GNB1: variants seen among roughly 807,000 people sequenced by gnomAD.
GNB1 encodes the protein G protein subunit beta 1, also known as guanine nucleotide-binding protein G(I)/G(S)/G(T) subunit beta-1.
In GNB1, 2 loss-of-function variants were observed where a neutral mutation model predicts 42.9. The ratio of observed to expected loss-of-function variants is 0.05; its 90% CI spans 0.02 to 0.15. GNB1 has a LOEUF of 0.15. Ranked by LOEUF, GNB1 falls within the 10% of genes least tolerant of loss-of-function variation. The probability of loss-of-function intolerance (pLI) is 1.00; values close to 1 mark genes in which losing one functional copy is unlikely to be tolerated. For missense variants in GNB1, 193 were observed against 462.2 expected, an observed-to-expected ratio of 0.42 and a Z score of 5.34; for synonymous variants, 183 against 174.7, an observed-to-expected ratio of 1.05 and a Z score of -0.38.
Position 1,790,783 on chromosome 1 carries a change from G to A in GNB1, c.498-187C>T, listed in dbSNP as rs1431800501. On this transcript the variant is annotated intron_variant, in intron 8 of 11. Coordinates refer to ENST00000378609, the MANE Select transcript of GNB1 (RefSeq NM_002074.5). The surrounding 1 kb of genome is among the most constrained non-coding windows in gnomAD (Gnocchi z 5.4). ...AACTTTGGAAGGGAAACAAAGCAAA[G>A]CAAGCAAAATTATACAGAGATGAGC... is the stretch of plus-strand genomic sequence containing the variant. Among the ~76,000 whole-genome samples, 1 of 152,168 alleles carries A rather than the reference G, an allele frequency of 6.6e-6. No homozygotes were observed. The highest frequency in any genetic ancestry group is 1.5e-5 in the Non-Finnish European group (1 of 68,030).
intron 8 of GNB1, among the ~76,000 whole-genome samples, chr1:1,791,794 A>G (rs561382212): frequency 6.6e-6 from 1 of 152,346 alleles, no homozygotes; most frequent in South Asian, 2.1e-4. Flanking sequence ...AGATACGTAA[A>G]AGAGTCTGAA....
chr1:1,855,212 T>C (rs1422077195), intron 1 of GNB1, among the ~76,000 whole-genome samples: 3 of 147,640 alleles, frequency 2.0e-5, no homozygotes, highest in Non-Finnish European at 3.0e-5. Flanking sequence ...TCCCAGTTAC[T>C]TGGGAGGCTG....
At chr1:1,818,790 G>A (rs561449339) in intron 3 of GNB1, among the ~76,000 whole-genome samples, 1 of 152,262 alleles carries the variant, frequency 6.6e-6, no homozygotes, top group Admixed American at 6.5e-5. Flanking sequence ...TTGAACCCGG[G>A]AGGCGGAGGT....
chr1:1,837,929 G>A (rs1054694117), intron 2 of GNB1, among the ~76,000 whole-genome samples: 1 of 151,984 alleles, frequency 6.6e-6, no homozygotes, highest in African/African-American at 2.4e-5. Context: ...CTAACCAGGC[G>A]TGGTGGCTCA....
At chr1:1,886,977 T>C (rs1161430048) in intron 1 of GNB1, among the ~76,000 whole-genome samples, 1 of 152,176 alleles carries the variant, frequency 6.6e-6, no homozygotes, top group Non-Finnish European at 1.5e-5. Context: ...CCTCCCAAAG[T>C]GCTGGGATTA....
intron 1 of GNB1, among the ~76,000 whole-genome samples, chr1:1,875,440 G>A (rs573306770): frequency 6.6e-6 from 1 of 152,030 alleles, no homozygotes; most frequent in African/African-American, 2.4e-5. Flanking sequence ...TGATCCACCC[G>A]CTGTGGCCTC....
chr1:1,873,970 G>C (rs577465567), intron 1 of GNB1, among the ~76,000 whole-genome samples: 3 of 152,318 alleles, frequency 2.0e-5, no homozygotes, highest in East Asian at 1.9e-4. Context: ...GCCTCTAGGG[G>C]ACTCAGCACT....
intron 1 of GNB1, among the ~76,000 whole-genome samples, chr1:1,849,066 T>G (rs1647839658): frequency 6.6e-6 from 1 of 152,272 alleles, no homozygotes; most frequent in Non-Finnish European, 1.5e-5. Context: ...CCATTCTGAC[T>G]GGGGTGGGAG....
intron 5 of GNB1, among the ~76,000 whole-genome samples, chr1:1,814,701 C>A (rs543961823): frequency 6.9e-6 from 1 of 145,608 alleles, no homozygotes; most frequent in East Asian, 2.1e-4. Context: ...ACTTGGGAGG[C>A]TGAGTAGGAA....
intron 5 of GNB1, among the ~76,000 whole-genome samples, chr1:1,809,448 G>A (rs1226650748): frequency 1.3e-5 from 2 of 152,154 alleles, no homozygotes; most frequent in African/African-American, 4.8e-5. Flanking sequence ...ACCGCACCCA[G>A]CCTTCAGTTG....
chr1:1,827,544 GTTAA>G (rs1410161868), intron 2 of GNB1, among the ~76,000 whole-genome samples: 1 of 152,158 alleles, frequency 6.6e-6, no homozygotes, highest in Non-Finnish European at 1.5e-5. Context: ...GATAAGACTG[GTTAA>G]TTCTTTCCCT....
intron 1 of GNB1, among the ~76,000 whole-genome samples, chr1:1,848,467 TTCCACCACC>T (rs1647802045): frequency 6.6e-6 from 1 of 152,018 alleles, no homozygotes; most frequent in South Asian, 2.1e-4. Flanking sequence ...CTACCTCCCC[TTCCACCACC>T]TCCATCCAAG....
Position 1,815,038 on chromosome 1 carries a change from G to A in GNB1, c.203+718C>T, listed in dbSNP as rs1646833782. On this transcript the variant is annotated intron_variant, in intron 5 of 11. Coordinates refer to ENST00000378609, the MANE Select transcript of GNB1 (RefSeq NM_002074.5). ...GAGGCAGGAGAATGGCGTGAACCCG[G>A]GAGGCGGAGCTTGCAGTGAGCCGAG... 3.3e-5 allele frequency among the ~76,000 whole-genome samples: 5 copies of A among 151,550 alleles called. No homozygotes were observed. The South Asian group carries it at 1.0e-3, about 31-fold the overall frequency.
chr1:1,794,016 G>A (rs1287346455), intron 7 of GNB1: 4 of 152,392 alleles, frequency 2.6e-5, no homozygotes, highest in African/African-American at 9.7e-5. Flanking sequence ...GTGAATATGT[G>A]TGGGTGGGTT....
chr1:1,811,654 C>A (rs1646781134), intron 5 of GNB1, among the ~76,000 whole-genome samples: 1 of 151,172 alleles, frequency 6.6e-6, no homozygotes, highest in Non-Finnish European at 1.5e-5. Flanking sequence ...TAAGACAGCA[C>A]CATTGCACTC....
intron 1 of GNB1, among the ~76,000 whole-genome samples, chr1:1,849,102 A>G (rs1460129959): frequency 6.6e-6 from 1 of 152,192 alleles, no homozygotes; most frequent in East Asian, 1.9e-4. Context: ...TGCTCTATCA[A>G]TTGTGCCCAA....
At chr1:1,840,303 C>T (rs762582942) in intron 1 of GNB1, among the ~76,000 whole-genome samples, 1 of 151,328 alleles carries the variant, frequency 6.6e-6, no homozygotes, top group Non-Finnish European at 1.5e-5. Flanking sequence ...CCAAGTTGGG[C>T]GGATCACAAG....
At chr1:1,885,925 C>T (rs1268312006) in intron 1 of GNB1, among the ~76,000 whole-genome samples, 2 of 148,570 alleles carry the variant, frequency 1.3e-5, no homozygotes, top group African/African-American at 5.2e-5. Context: ...AGCTTTTCTA[C>T]CACTGAAAGC....
chr1:1,815,272 G>GCA (rs2100851505), intron 5 of GNB1, among the ~76,000 whole-genome samples: 1 of 152,302 alleles, frequency 6.6e-6, no homozygotes, highest in Admixed American at 6.5e-5. Flanking sequence ...CCGCAGCAAA[G>GCA]CACACACAGC....
Sources: allele counts gnomAD v4.1 joint callset (sites outside exome capture counted in the v4.1 genomes callset), GRCh38; gene constraint gnomAD v4.1.1; non-coding constraint Gnocchi (gnomAD v3.1); transcripts MANE v1.5; gene names NCBI Gene and HGNC (gene_info 2026-07-23, HGNC 2026-07-21).